SYT1: variants seen among roughly 807,000 people sequenced by gnomAD.
SYT1 encodes synaptotagmin-1.
Under a neutral mutation model 44.8 loss-of-function variants are expected in SYT1, and 8 were observed. The observed-to-expected ratio is 0.18, with a 90% CI of 0.10 to 0.32. The LOEUF is 0.32. SYT1 is among the 10% of genes least tolerant of loss of function. The pLI is 1.00. For missense variants in SYT1, 286 were observed against 509.3 expected, an observed-to-expected ratio of 0.56 and a Z score of 4.22; for synonymous variants, 154 against 188.8, an observed-to-expected ratio of 0.82 and a Z score of 1.51.
intron 3 of SYT1, among the ~76,000 whole-genome samples, chr12:79,130,165 T>C (rs1445070839): frequency 1.3e-5 from 2 of 152,158 alleles, no homozygotes; most frequent in Admixed American, 6.5e-5. Flanking sequence ...AGAATATTTT[T>C]TCAGGAATAA....
chr12:79,089,097 G>T lies in SYT1; in HGVS notation c.-18+41735G>T, dbSNP rs920555323. Among the ~76,000 whole-genome samples the T allele has an allele frequency of 3.3e-5, 5 of 152,158 alleles. No homozygotes were observed. The East Asian group carries it at 9.7e-4, about 30-fold the overall frequency. Reference sequence around the variant, plus strand: ...AGATGGATAGAGATAAAAGAGAAAAGAATGTGAGAAAGATGTTACTATGGC... The same window carrying T: ...AGATGGATAGAGATAAAAGAGAAAATAATGTGAGAAAGATGTTACTATGGC... On this transcript the variant is annotated intron_variant, in intron 3 of 10. Transcript: ENST00000261205.
intron 3 of SYT1, among the ~76,000 whole-genome samples, chr12:79,104,300 C>T (rs528086990): frequency 2.8e-4 from 42 of 151,728 alleles, no homozygotes; most frequent in Admixed American, 2.5e-3. Flanking sequence ...CTGTTGCTTA[C>T]AAAACTGAAT....
At chr12:79,208,379 C>T (rs936975372) in intron 3 of SYT1, among the ~76,000 whole-genome samples, 1 of 152,166 alleles carries the variant, frequency 6.6e-6, no homozygotes, top group African/African-American at 2.4e-5. Flanking sequence ...TCACTAAATT[C>T]TCATTACTTA....
At chr12:79,167,556 C>A (rs1392949356) in intron 3 of SYT1, among the ~76,000 whole-genome samples, 1 of 151,908 alleles carries the variant, frequency 6.6e-6, no homozygotes, top group East Asian at 1.9e-4. Context: ...GAATAAATAT[C>A]AAATGACTTA....
At chr12:79,159,567 C>T (rs1460665559) in intron 3 of SYT1, among the ~76,000 whole-genome samples, 1 of 152,116 alleles carries the variant, frequency 6.6e-6, no homozygotes, top group East Asian at 1.9e-4. Context: ...TTGTTACTCT[C>T]TCACTGTGCC....
At chr12:78,978,728 C>G (rs1358507282) in intron 2 of SYT1, among the ~76,000 whole-genome samples, 1 of 152,108 alleles carries the variant, frequency 6.6e-6, no homozygotes, top group Non-Finnish European at 1.5e-5. Flanking sequence ...TAAAGAATAG[C>G]CTTTCACATT....
At chr12:79,287,224 G>A (rs563719984) in intron 5 of SYT1, among the ~76,000 whole-genome samples, 5 of 152,268 alleles carry the variant, frequency 3.3e-5, no homozygotes, top group African/African-American at 7.2e-5. Context: ...TGGATGAAAT[G>A]CCTGTACTCA....
At chr12:78,949,195 A>G (rs576729450) in intron 1 of SYT1, among the ~76,000 whole-genome samples, 17 of 151,724 alleles carry the variant, frequency 1.1e-4, no homozygotes. Context: ...CCATAGGCAA[A>G]AAATACTAGA....
chr12:79,223,965 A>G (rs955709215), intron 4 of SYT1, among the ~76,000 whole-genome samples: 4 of 151,576 alleles, frequency 2.6e-5, no homozygotes, highest in African/African-American at 9.7e-5. Context: ...GGAAAGAGTG[A>G]TGCAGGTGTT....
chr12:79,117,450 C>T lies in SYT1; in HGVS notation c.-18+70088C>T, dbSNP rs1879336355. Reference sequence around the variant, plus strand: ...TGGATGACTGCTGACTGCAGTTCCACACCATCACTCTTCAAGAGTAAACTC... The same window carrying T: ...TGGATGACTGCTGACTGCAGTTCCATACCATCACTCTTCAAGAGTAAACTC... On this transcript the variant is annotated intron_variant, in intron 3 of 10. Coordinates refer to ENST00000261205, the MANE Select transcript of SYT1 (RefSeq NM_005639.3). 4.0e-5 allele frequency among the ~76,000 whole-genome samples: 6 copies of T among 151,606 alleles called. No homozygotes were observed. The South Asian group carries it at 1.3e-3, about 32-fold the overall frequency.
chr12:79,268,881 C>G (rs1025278414), intron 4 of SYT1, among the ~76,000 whole-genome samples: 3 of 151,978 alleles, frequency 2.0e-5, no homozygotes, highest in South Asian at 2.1e-4. Flanking sequence ...TAATCACTGG[C>G]TGACAAATTA....
At chr12:78,949,632 G>C (rs891793326) in intron 1 of SYT1, among the ~76,000 whole-genome samples, 5 of 151,932 alleles carry the variant, frequency 3.3e-5, no homozygotes, top group African/African-American at 1.2e-4. Context: ...ATGGGTTATT[G>C]CAGACATAAA....
At chr12:79,027,886 A>G (rs963235342) in intron 2 of SYT1, among the ~76,000 whole-genome samples, 1 of 151,466 alleles carries the variant, frequency 6.6e-6, no homozygotes, top group Non-Finnish European at 1.5e-5. Flanking sequence ...CCACCGGCCA[A>G]ATTTTCATGG....
intron 3 of SYT1, among the ~76,000 whole-genome samples, chr12:79,194,035 A>T (rs897962298): frequency 6.6e-6 from 1 of 152,196 alleles, no homozygotes; most frequent in East Asian, 1.9e-4. Flanking sequence ...ATTCCTGCTA[A>T]GCACTGCAAC....
chr12:79,410,437 C>T lies in SYT1; in HGVS notation c.929-33636C>T, dbSNP rs182258211. 6.8e-3 allele frequency among the ~76,000 whole-genome samples: 1,009 copies of T among 147,304 alleles called. 7 individuals are homozygous for T. Among genetic ancestry groups the T allele is most frequent in the Non-Finnish European group, 0.011 (758 of 67,230 alleles). On this transcript the variant is annotated intron_variant, in intron 9 of 10. Transcript: ENST00000261205. ...TCTGGTTGGGCCAGTAAAGCCCCTT[C>T]CTCATCTCTCTTTTCCACTTATCAC...
At chr12:78,974,078 C>G (rs1419325043) in intron 1 of SYT1, among the ~76,000 whole-genome samples, 1 of 147,982 alleles carries the variant, frequency 6.8e-6, no homozygotes, top group East Asian at 2.0e-4. Flanking sequence ...TGTACTTACA[C>G]AAACCTAGAT....
chr12:79,313,219 A>T (rs567103796), intron 8 of SYT1, among the ~76,000 whole-genome samples: 2 of 152,230 alleles, frequency 1.3e-5, no homozygotes, highest in Admixed American at 6.5e-5. Flanking sequence ...ACAGTTTCAC[A>T]TGTGTACATA....
intron 2 of SYT1, among the ~76,000 whole-genome samples, chr12:78,990,994 T>C (rs1219022273): frequency 6.6e-6 from 1 of 152,200 alleles, no homozygotes; most frequent in East Asian, 1.9e-4. Flanking sequence ...GTTTTACTTA[T>C]AAGGCACAGC....
At chr12:79,237,275 C>G (rs555649521) in intron 4 of SYT1, among the ~76,000 whole-genome samples, 1 of 152,102 alleles carries the variant, frequency 6.6e-6, no homozygotes, top group Non-Finnish European at 1.5e-5. Flanking sequence ...TTGGACAATA[C>G]GAGAAAGAGT....
Sources: allele counts gnomAD v4.1 joint callset (sites outside exome capture counted in the v4.1 genomes callset), GRCh38; gene constraint gnomAD v4.1.1; transcripts MANE v1.5; gene names NCBI Gene and HGNC (gene_info 2026-07-23, HGNC 2026-07-21).